Variants in UTRN observed in about 807,000 individuals in gnomAD.
UTRN encodes dystrophin-related protein 1.
A neutral mutation model predicts 463.9 loss-of-function variants in UTRN; 283 were observed. That is an observed-to-expected ratio of 0.61 (90% CI 0.55 to 0.67). The LOEUF is 0.67. Ranked by LOEUF, UTRN falls within the 30% of genes least tolerant of loss-of-function variation. UTRN has a pLI of 0.00. For synonymous variants in UTRN, 1,442 were observed against 1,431.5 expected (o/e 1.01, Z -0.17); for missense variants, 3,922 against 4,084.3 (o/e 0.96, Z 1.08).
chr6:144,345,238 T>C (rs1267062235), intron 2 of UTRN, among the ~76,000 whole-genome samples: 1 of 152,214 alleles, frequency 6.6e-6, no homozygotes, highest in Non-Finnish European at 1.5e-5. Flanking sequence ...GAGCAGCCCA[T>C]ATTTTCTTAG....
rs183505911 is a variant in UTRN, at chr6:144,494,765, A to G, written c.4593+1309A>G. ...CAGAGTAGCTAGATACAGAGTGTTG[A>G]TTGGTGCATTCACAAACCCTGAGCT... is the stretch of plus-strand genomic sequence containing the variant. On this transcript the variant is annotated intron_variant, in intron 33 of 74. Transcript: ENST00000367545. Among the ~76,000 whole-genome samples the G allele has an allele frequency of 3.9e-3, 597 of 152,252 alleles. 5 individuals carry two copies. Among genetic ancestry groups the G allele is most frequent in the African/African-American group, 0.012 (514 of 41,536 alleles).
chr6:144,762,307 C>T (rs886313461), intron 58 of UTRN, among the ~76,000 whole-genome samples: 3 of 152,038 alleles, frequency 2.0e-5, no homozygotes, highest in Admixed American at 6.6e-5. Context: ...AGTCAGAGGA[C>T]GGAAGTTTTT....
chr6:144,290,752 CTTTTTTTTTTTTTTTTTTT>C (rs200477118), intron 1 of UTRN, among the ~76,000 whole-genome samples: 59 of 99,172 alleles, frequency 5.9e-4, no homozygotes, highest in African/African-American at 2.3e-3. Flanking sequence ...CCACAATCGT[CTTTTTTTTTTTTTTTTTTT>C]TTTTTTTTTT....
At chr6:144,304,357 T>C (rs1482634750) in intron 2 of UTRN, among the ~76,000 whole-genome samples, 1 of 152,206 alleles carries the variant, frequency 6.6e-6, no homozygotes, top group Admixed American at 6.5e-5. Flanking sequence ...TTGCCTTGCC[T>C]CTACAACATG....
At chr6:144,637,986 T>C (rs534466996) in intron 51 of UTRN, among the ~76,000 whole-genome samples, 22 of 152,338 alleles carry the variant, frequency 1.4e-4, no homozygotes, top group African/African-American at 5.3e-4. Flanking sequence ...AAGAGACATA[T>C]TTAACCTTAT....
chr6:144,563,970 G>C (rs1236798751), intron 50 of UTRN, among the ~76,000 whole-genome samples: 1 of 151,298 alleles, frequency 6.6e-6, no homozygotes, highest in African/African-American at 2.5e-5. Flanking sequence ...AATGCCCACA[G>C]AAACAATGCC....
intron 52 of UTRN, among the ~76,000 whole-genome samples, chr6:144,686,738 C>T (rs996000385): frequency 4.6e-5 from 7 of 151,984 alleles, no homozygotes; most frequent in Non-Finnish European, 7.4e-5. Flanking sequence ...GGTTGCCATT[C>T]GCATGTCATA....
chr6:144,409,877 G>A (rs549862009), intron 3 of UTRN, among the ~76,000 whole-genome samples: 1 of 152,222 alleles, frequency 6.6e-6, no homozygotes, highest in African/African-American at 2.4e-5. Context: ...ACAATTAAGT[G>A]TGCATGTATG....
Position 144,423,534 on chromosome 6 carries a change from T to C in UTRN, c.235-15T>C. 6.2e-7 allele frequency: 1 copy of C among 1,613,886 alleles called. No homozygotes were observed. Among genetic ancestry groups the C allele is most frequent in the African/African-American group, 1.3e-5 (1 of 75,060 alleles). ...GGACAATCAGTTTTACTTGCTTTTTTGTTTTATTTTCCAGCCAAAGGAACG... is the reference window on the plus strand; with the variant it reads ...GGACAATCAGTTTTACTTGCTTTTTCGTTTTATTTTCCAGCCAAAGGAACG... On this transcript the variant is annotated splice_polypyrimidine_tract_variant and intron_variant, in intron 4 of 74. Transcript: ENST00000367545.
At chr6:144,406,183 T>C (rs1457636242) in intron 3 of UTRN, among the ~76,000 whole-genome samples, 2 of 152,220 alleles carry the variant, frequency 1.3e-5, no homozygotes, top group Non-Finnish European at 2.9e-5. Context: ...CCTCATTAAT[T>C]AATGAGTTAA....
chr6:144,329,370 C>T (rs888641414), intron 2 of UTRN, among the ~76,000 whole-genome samples: 12 of 152,062 alleles, frequency 7.9e-5, no homozygotes, highest in South Asian at 2.1e-4. Context: ...TATGAGGCAC[C>T]GCACCCAGCC....
At chr6:144,821,610 C>T (rs542414485) in intron 66 of UTRN, among the ~76,000 whole-genome samples, 237 of 151,902 alleles carry the variant, frequency 1.6e-3, no homozygotes, top group African/African-American at 5.3e-3. Context: ...AGTTGGTTAG[C>T]ATACATGAAA....
At chr6:144,738,809 A>G (rs1488001193) in intron 54 of UTRN, among the ~76,000 whole-genome samples, 1 of 152,184 alleles carries the variant, frequency 6.6e-6, no homozygotes, top group South Asian at 2.1e-4. Flanking sequence ...TACAACTACT[A>G]TTTTATTTAA....
chr6:144,846,097 A>G (rs1781988077), intron 73 of UTRN, among the ~76,000 whole-genome samples: 1 of 152,204 alleles, frequency 6.6e-6, no homozygotes, highest in African/African-American at 2.4e-5. Flanking sequence ...GAGGGGACGA[A>G]AAGCAGATGC....
chr6:144,536,356 G>A (rs1797533871), intron 43 of UTRN, among the ~76,000 whole-genome samples: 1 of 152,058 alleles, frequency 6.6e-6, no homozygotes, highest in African/African-American at 2.4e-5. Flanking sequence ...TATTTTGGGT[G>A]TTTCCAAAGT....
intron 47 of UTRN, among the ~76,000 whole-genome samples, chr6:144,550,403 A>C (rs953887820): frequency 1.3e-5 from 2 of 152,206 alleles, no homozygotes; most frequent in Admixed American, 6.5e-5. Flanking sequence ...CTGAAAACAC[A>C]TGATTTTCCT....
chr6:144,402,754 A>C (rs746103335), intron 2 of UTRN, among the ~76,000 whole-genome samples: 12 of 152,172 alleles, frequency 7.9e-5, no homozygotes, highest in Non-Finnish European at 1.5e-4. Flanking sequence ...TGACATTTTG[A>C]TTATGCTGAA....
intron 2 of UTRN, among the ~76,000 whole-genome samples, chr6:144,388,342 C>T (rs1003971338): frequency 1.3e-5 from 2 of 151,552 alleles, no homozygotes; most frequent in Non-Finnish European, 2.9e-5. Flanking sequence ...GAGACAGGGT[C>T]TTACTTTGTT....
chr6:144,343,157 A>T (rs1004533917), intron 2 of UTRN, among the ~76,000 whole-genome samples: 10 of 152,206 alleles, frequency 6.6e-5, no homozygotes, highest in African/African-American at 2.2e-4. Context: ...AAAGATACAT[A>T]TTCTATGAAA....
Sources: allele counts gnomAD v4.1 joint callset (sites outside exome capture counted in the v4.1 genomes callset), GRCh38; gene constraint gnomAD v4.1.1; transcripts MANE v1.5; gene names NCBI Gene and HGNC (gene_info 2026-07-23, HGNC 2026-07-21).